RBBP7: variants seen among roughly 807,000 people sequenced by gnomAD.
RBBP7 encodes histone-binding protein RBBP7.
RBBP7 carries 5 observed loss-of-function variants against 35.2 expected under a neutral mutation model. That is an observed-to-expected ratio of 0.14 (90% CI 0.07 to 0.30). The LOEUF is 0.30. Ranked by LOEUF, RBBP7 falls within the 10% of genes least tolerant of loss-of-function variation. RBBP7 has a pLI of 1.00. For missense variants in RBBP7, 155 were observed against 327.5 expected (o/e 0.47, Z 4.07); for synonymous variants, 140 against 118.7 (o/e 1.18, Z -1.17).
At chrX:16,847,457 AGAG>A (rs1930108837) in intron 10 of RBBP7, 5 of 110,039 alleles carry the variant, frequency 4.5e-5, no homozygotes, top group African/African-American at 1.7e-4. Flanking sequence ...GGCGACAGAG[AGAG>A]TACTCTTAAG....
chrX:16,845,061 A>AT lies in RBBP7; in HGVS notation c.1251dup (p.Ser418IlefsTer19). ...TAAGATCCTTGTCCCTCCAGTTCGG[A>AT]TGTCGTGACATCTGACTCTTCATCA... On this transcript the variant is annotated frameshift_variant, in exon 12 of 12. Coordinates refer to ENST00000380087, the MANE Select transcript of RBBP7 (RefSeq NM_002893.4). LOFTEE classifies it high-confidence loss of function. 1 of 1,209,749 alleles carries AT rather than the reference A, an allele frequency of 8.3e-7. No individual in the cohort carries two copies. The highest frequency in any genetic ancestry group is 1.1e-6 in the Non-Finnish European group (1 of 893,838).
At position 16,844,731 on chromosome X, in the gene RBBP7, G is replaced by T; in HGVS notation, c.*304C>A. 1 of 177,527 alleles carries T rather than the reference G, an allele frequency of 5.6e-6. No individual in the cohort carries two copies. The highest frequency in any genetic ancestry group is 1.1e-5 in the Non-Finnish European group (1 of 94,709). 14.6% of individuals were successfully genotyped at this position (177,527 alleles called of 1,213,427 possible). A position where few individuals can be genotyped will look rare whatever the true frequency, so the allele number is the denominator to read the frequency against. On this transcript the variant is annotated 3_prime_UTR_variant, in exon 12 of 12. Transcript: ENST00000380087. The stretch of plus-strand genomic sequence containing the variant: ...GTGTAAAAGTTATTCTTGCATATTT[G>T]GGAACAGCAAGCACTTAGTTTGAGA...
chrX:16,850,508 G>GT (rs2147514786), intron 9 of RBBP7, among the ~76,000 whole-genome samples: 2 of 112,685 alleles, frequency 1.8e-5, no homozygotes, highest in South Asian at 7.2e-4. Flanking sequence ...TTTGATTTAG[G>GT]TTTTATTTTA....
chrX:16,865,106 C>G (rs1052752022), intron 2 of RBBP7, among the ~76,000 whole-genome samples: 9 of 98,279 alleles, frequency 9.2e-5, no homozygotes, highest in African/African-American at 3.1e-4. Context: ...AATATTTGGC[C>G]GGATGTGGTG....
At chrX:16,864,526 C>CAAAAAAAAA (rs61357554) in intron 2 of RBBP7, among the ~76,000 whole-genome samples, 2 of 26,223 alleles carry the variant, frequency 7.6e-5, no homozygotes, top group Non-Finnish European at 6.3e-5. Flanking sequence ...ACTCCGTCTC[C>CAAAAAAAAA]AAAAAAAAAA....
At chrX:16,862,602 T>C (rs1930502619) in intron 3 of RBBP7, among the ~76,000 whole-genome samples, 2 of 111,091 alleles carry the variant, frequency 1.8e-5, no homozygotes, top group Admixed American at 1.9e-4. Context: ...AGACTGGGCT[T>C]GAACTCCTGA....
rs755833627 is a variant in RBBP7 at position 16,853,690 on chromosome X, T to C, written c.750A>G (p.Lys250=). 1 of 1,141,784 alleles carries C rather than the reference T, an allele frequency of 8.8e-7. No individual in the cohort carries two copies. Among genetic ancestry groups the C allele is most frequent in the Non-Finnish European group, 1.2e-6 (1 of 861,879 alleles). 94.1% of individuals were successfully genotyped at this position (1,141,784 alleles called of 1,213,427 possible). A position where few individuals can be genotyped will look rare whatever the true frequency, so the allele number is the denominator to read the frequency against. The change falls in exon 6 of 12, where the codon AAA becomes AAG. Residue 250 remains lysine (K), a synonymous_variant. Transcript: ENST00000380087. ...TGAATTTTCCACCTTACATCATAAG[T>C]TTCTGATCATCAGCAACAGATCCAA... The part of the protein sequence containing the change: ...SLFGSVADDQ[K]LMIWDTRSNT...
intron 5 of RBBP7, 109 bp from the exon 6 acceptor site, chrX:16,853,951 C>T (rs944837584): frequency 1.6e-4 from 101 of 640,918 alleles, no homozygotes; most frequent in Non-Finnish European, 2.1e-4. Context: ...GGTGCGATCT[C>T]GGCTCACTGC....
In RBBP7 at chrX:16,869,239, C is replaced by G; in HGVS notation, c.17-19G>C. 9 of 1,200,322 alleles carry G rather than the reference C, an allele frequency of 7.5e-6. No homozygotes were observed. Among genetic ancestry groups the G allele is most frequent in the Non-Finnish European group, 1.0e-5 (9 of 890,243 alleles). ...TCAAACACTGAAATTTGGAGAAAGC[C>G]CACACGATTAAGTGGCTGAGATAGA... On this transcript the variant is annotated intron_variant, in intron 1 of 11. Transcript: ENST00000380087.
At chrX:16,869,675 G>A (rs1054795436) in intron 1 of RBBP7, 66 of 1,067,052 alleles carry the variant, frequency 6.2e-5, no homozygotes, top group Middle Eastern at 3.1e-4. Context: ...CCGGACAAGG[G>A]CCGCGACCCC....
chrX:16,863,910 C>T (rs1176737798), intron 2 of RBBP7, among the ~76,000 whole-genome samples: 1 of 111,283 alleles, frequency 9.0e-6, no homozygotes, highest in African/African-American at 3.3e-5. Flanking sequence ...CAATTTTCAA[C>T]TGTGCTCCAT....
intron 3 of RBBP7, among the ~76,000 whole-genome samples, chrX:16,860,906 G>A (rs1930460978): frequency 2.7e-5 from 3 of 111,661 alleles, no homozygotes; most frequent in African/African-American, 9.8e-5. Flanking sequence ...GGGAGTGGTG[G>A]CTCATGCCTG....
intron 10 of RBBP7, chrX:16,847,121 C>T (rs1332056477): frequency 9.2e-6 from 1 of 108,128 alleles, no homozygotes; most frequent in Non-Finnish European, 1.9e-5. Flanking sequence ...AGAACCAGAC[C>T]TTGACTTAAA....
intron 3 of RBBP7, among the ~76,000 whole-genome samples, chrX:16,862,015 G>C (rs1569062533): frequency 1.8e-5 from 2 of 111,713 alleles, no homozygotes; most frequent in African/African-American, 6.5e-5. Flanking sequence ...GCTGTGGCTG[G>C]TTGTCAGCAG....
Position 16,858,764 on chromosome X carries a change from G to A in RBBP7, c.393C>T (p.Tyr131=). The A allele has an allele frequency of 1.7e-6, 2 of 1,211,644 alleles. No homozygotes were observed. The highest frequency in any genetic ancestry group is 2.2e-6 in the Non-Finnish European group (2 of 895,539). The change falls in exon 4 of 12, where the codon TAC becomes TAT. Residue 131 remains tyrosine (Y), a synonymous_variant. Coordinates refer to ENST00000380087, the MANE Select transcript of RBBP7 (RefSeq NM_002893.4). ...NHEGEVNRAR[Y]MPQNPHIIAT... ...CAATGATGTGAGGATTCTGCGGCATGTAACGAGCACGGTTTACTTCTCCTT... is the reference window on the plus strand; with the variant it reads ...CAATGATGTGAGGATTCTGCGGCATATAACGAGCACGGTTTACTTCTCCTT...
intron 6 of RBBP7, 118 bp downstream of exon 6, chrX:16,853,563 TA>T: frequency 1.5e-6 from 1 of 659,439 alleles, no homozygotes; most frequent in Non-Finnish European, 2.1e-6. Context: ...GTAAGCTACC[TA>T]AAGCTGTTTT....
chrX:16,857,923 T>C (rs973706621), intron 4 of RBBP7, among the ~76,000 whole-genome samples: 1 of 111,303 alleles, frequency 9.0e-6, no homozygotes, highest in Non-Finnish European at 1.9e-5. Context: ...TTAAAAACTA[T>C]AGCTATCCTA....
rs1318747483 is a variant in RBBP7, at chrX:16,860,311, T to C, written c.308-1462A>G. Among the ~76,000 whole-genome samples, 4 of 108,311 alleles carry C rather than the reference T, an allele frequency of 3.7e-5. No homozygotes were observed. The Admixed American group carries it at 4.0e-4, about 11-fold the overall frequency. The allele number at this position is 108,311 out of a possible 115,157, so 94.1% of individuals were successfully genotyped here. Reference sequence around the variant, plus strand: ...GGGGGGGCGGGGCTTCCAAGTAGGATTTACTTTGAACACAGAGTTTTGTTT... The same window carrying C: ...GGGGGGGCGGGGCTTCCAAGTAGGACTTACTTTGAACACAGAGTTTTGTTT... On this transcript the variant is annotated intron_variant, in intron 3 of 11. Coordinates refer to ENST00000380087, the MANE Select transcript of RBBP7 (RefSeq NM_002893.4).
intron 2 of RBBP7, among the ~76,000 whole-genome samples, chrX:16,866,813 C>G (rs764265984): frequency 9.1e-6 from 1 of 110,432 alleles, no homozygotes; most frequent in East Asian, 2.8e-4. Flanking sequence ...CCAAACTGAA[C>G]CCTGCAAAGC....
Sources: gnomAD v4.1 joint callset for allele counts (sites outside exome capture counted in the v4.1 genomes callset) on GRCh38, gnomAD v4.1.1 for gene constraint, MANE v1.5 for transcripts, NCBI Gene and HGNC (gene_info 2026-07-23, HGNC 2026-07-21) for gene names.